The following ALOX5AP variants were observed in gnomAD, a reference collection of about 807,000 sequenced individuals.
ALOX5AP encodes arachidonate 5-lipoxygenase-activating protein.
Under a neutral mutation model 18.5 loss-of-function variants are expected in ALOX5AP, and 9 were observed. That is an observed-to-expected ratio of 0.49 (90% CI 0.29 to 0.85). The LOEUF is 0.85. Ranked by LOEUF, ALOX5AP falls within the 40% of genes least tolerant of loss-of-function variation. ALOX5AP has a pLI of 0.08. For missense variants in ALOX5AP, 172 were observed against 202.5 expected (o/e 0.85, Z 0.91); for synonymous variants, 81 against 78.6 (o/e 1.03, Z -0.16).
chr13:30,720,664 C>T (rs897410968), intron 1 of ALOX5AP, among the ~76,000 whole-genome samples: 4 of 152,172 alleles, frequency 2.6e-5, no homozygotes, highest in African/African-American at 9.7e-5. Context: ...AAAAGGAAAA[C>T]AGGAACTAAA....
chr13:30,753,193 G>A (rs1951865935), intron 3 of ALOX5AP, among the ~76,000 whole-genome samples: 1 of 152,228 alleles, frequency 6.6e-6, no homozygotes, highest in Non-Finnish European at 1.5e-5. Flanking sequence ...ACCAAGTTCA[G>A]TGATAGAGAG....
chr13:30,746,935 A>G (rs779554255), intron 2 of ALOX5AP, among the ~76,000 whole-genome samples: 4 of 152,248 alleles, frequency 2.6e-5, no homozygotes, highest in Non-Finnish European at 5.9e-5. Context: ...ATACTGGTGG[A>G]TTAAAAAGAC....
upstream of ALOX5AP, among the ~76,000 whole-genome samples, chr13:30,732,566 G>A (rs1310020358): frequency 6.6e-6 from 1 of 152,160 alleles, no homozygotes; most frequent in East Asian, 1.9e-4. Flanking sequence ...GAACTACCAG[G>A]GTCTTCATTC....
At chr13:30,735,385 C>G (rs1027767610), upstream of ALOX5AP, 8 of 962,330 alleles carry the variant, frequency 8.3e-6, no homozygotes, top group Non-Finnish European at 1.0e-5. Context: ...AGCCCTGCTT[C>G]TCCTGGTGGG....
chr13:30,715,621 C>T (rs1566076978), intron 1 of ALOX5AP, among the ~76,000 whole-genome samples: 1 of 152,150 alleles, frequency 6.6e-6, no homozygotes, highest in Non-Finnish European at 1.5e-5. Flanking sequence ...AGGAAATGGC[C>T]CCAGCTGCCT....
chr13:30,749,832 G>A (rs559868828), intron 2 of ALOX5AP, among the ~76,000 whole-genome samples: 17 of 152,226 alleles, frequency 1.1e-4, no homozygotes, highest in African/African-American at 3.1e-4. Flanking sequence ...AGAGGACCAC[G>A]AAGATTCCAT....
At chr13:30,754,099 C>T (rs903147413) in intron 3 of ALOX5AP, among the ~76,000 whole-genome samples, 4 of 151,988 alleles carry the variant, frequency 2.6e-5, no homozygotes, top group Non-Finnish European at 4.4e-5. Context: ...ATTAGCTGGG[C>T]GTGGTGGTGC....
chr13:30,737,531 T>A (rs746354844), intron 1 of ALOX5AP, among the ~76,000 whole-genome samples: 1 of 152,050 alleles, frequency 6.6e-6, no homozygotes, highest in Non-Finnish European at 1.5e-5. Context: ...AATATGGAGA[T>A]CTAGACTTTT....
chr13:30,727,780 A>T (rs1951650425), intron 1 of ALOX5AP, among the ~76,000 whole-genome samples: 1 of 152,128 alleles, frequency 6.6e-6, no homozygotes, highest in South Asian at 2.1e-4. Flanking sequence ...TTGGTGAGTG[A>T]TAGTTACGGG....
intron 4 of ALOX5AP, among the ~76,000 whole-genome samples, 183 bp downstream of exon 4, chr13:30,756,208 C>T (rs899170410): frequency 2.0e-5 from 3 of 152,190 alleles, no homozygotes; most frequent in African/African-American, 7.2e-5. Flanking sequence ...TCTGAAAATA[C>T]AGCTGGGGGG....
intron 4 of ALOX5AP, among the ~76,000 whole-genome samples, chr13:30,757,652 C>T (rs1469323461): frequency 6.6e-6 from 1 of 152,126 alleles, no homozygotes; most frequent in Non-Finnish European, 1.5e-5. Flanking sequence ...GGATGTGGCT[C>T]AGTCACTGCT....
intron 3 of ALOX5AP, among the ~76,000 whole-genome samples, chr13:30,755,410 C>T (rs1001823094): frequency 6.6e-6 from 1 of 152,158 alleles, no homozygotes; most frequent in Non-Finnish European, 1.5e-5. Flanking sequence ...CTTATGCAAG[C>T]CTGGTTGACC....
intron 2 of ALOX5AP, among the ~76,000 whole-genome samples, chr13:30,750,092 T>C (rs1345543048): frequency 3.3e-5 from 5 of 152,310 alleles, no homozygotes; most frequent in African/African-American, 1.2e-4. Flanking sequence ...CACAGAGTTT[T>C]AAATTCTGAA....
intron 4 of ALOX5AP, among the ~76,000 whole-genome samples, chr13:30,763,151 A>T (rs897548302): frequency 6.6e-6 from 1 of 152,198 alleles, no homozygotes. Flanking sequence ...CTACTAAAAT[A>T]CAAAAAGTTA....
chr13:30,744,273 G>T, intron 2 of ALOX5AP, 114 bp downstream of exon 2: 1 of 906,342 alleles, frequency 1.1e-6, no homozygotes, highest in Non-Finnish European at 1.7e-6. Flanking sequence ...GTTTCTGAGC[G>T]CCAGGGAGGT....
intron 1 of ALOX5AP, among the ~76,000 whole-genome samples, chr13:30,737,676 G>A (rs145265028): frequency 2.2e-4 from 34 of 152,042 alleles, no homozygotes; most frequent in African/African-American, 7.7e-4. Flanking sequence ...GTGATGGCCT[G>A]CACATCACTG....
Position 30,764,067 on chromosome 13 carries a change from G to T in ALOX5AP, c.447G>T (p.Thr149=), listed in dbSNP as rs199751347. The T allele has an allele frequency of 2.5e-6, 4 of 1,614,026 alleles. No homozygotes were observed. The highest frequency in any genetic ancestry group is 1.7e-4 in the Middle Eastern group (1 of 6,060). Residue 149 remains threonine (T), a synonymous_variant, in exon 5 of 5, where the codon ACG becomes ACT. Coordinates refer to ENST00000380490, the MANE Select transcript of ALOX5AP (RefSeq NM_001629.4). The part of the protein sequence containing the change: ...FGSDFENYIK[T]ISTTISPLLL... Reference sequence around the variant, plus strand: ...GTGACTTTGAAAACTACATAAAGACGATCTCCACCACCATCTCCCCTCTAC... The same window carrying T: ...GTGACTTTGAAAACTACATAAAGACTATCTCCACCACCATCTCCCCTCTAC...
At chr13:30,728,685 C>A (rs1039018601) in intron 1 of ALOX5AP, among the ~76,000 whole-genome samples, 1 of 152,008 alleles carries the variant, frequency 6.6e-6, no homozygotes, top group Non-Finnish European at 1.5e-5. Flanking sequence ...CCTGTCTGTA[C>A]AAAATAAAAA....
chr13:30,737,236 C>T (rs1951728989), intron 1 of ALOX5AP, among the ~76,000 whole-genome samples: 1 of 152,220 alleles, frequency 6.6e-6, no homozygotes, highest in South Asian at 2.1e-4. Flanking sequence ...CTCTCCAGCT[C>T]CCTCTCAATT....
Sources: allele counts gnomAD v4.1 joint callset (sites outside exome capture counted in the v4.1 genomes callset), GRCh38; gene constraint gnomAD v4.1.1; transcripts MANE v1.5; gene names NCBI Gene and HGNC (gene_info 2026-07-23, HGNC 2026-07-21).